GSK3B: variants seen among roughly 807,000 people sequenced by gnomAD.
GSK3B encodes the protein glycogen synthase kinase-3 beta.
Under a neutral mutation model 56.4 loss-of-function variants are expected in GSK3B, and 15 were observed. That is an observed-to-expected ratio of 0.27 (90% CI 0.18 to 0.41). GSK3B has a LOEUF of 0.41. Among genes scored for constraint, GSK3B ranks in the 10% least tolerant of loss-of-function variants. GSK3B has a pLI of 1.00. For synonymous variants in GSK3B, 181 were observed against 188.9 expected (o/e 0.96, Z 0.34); for missense variants, 300 against 513.4 (o/e 0.58, Z 4.02).
At chr3:119,924,927 T>C (rs983991882) in intron 3 of GSK3B, among the ~76,000 whole-genome samples, 2 of 152,210 alleles carry the variant, frequency 1.3e-5, no homozygotes, top group African/African-American at 4.8e-5. Context: ...ACAACCCTGG[T>C]TGAGTTCAGC....
At chr3:120,006,343 T>C (rs1012973553) in intron 1 of GSK3B, among the ~76,000 whole-genome samples, 2 of 152,114 alleles carry the variant, frequency 1.3e-5, no homozygotes, top group Admixed American at 6.6e-5. Flanking sequence ...CTGTCAATAT[T>C]AGACAGATCA....
chr3:119,932,382 T>C (rs2056954959), intron 3 of GSK3B, among the ~76,000 whole-genome samples: 1 of 152,184 alleles, frequency 6.6e-6, no homozygotes, highest in Non-Finnish European at 1.5e-5. Context: ...GAGAATACCT[T>C]TTTGCTTGAG....
Position 120,094,428 on chromosome 3 carries a change from G to A in GSK3B, c.-994C>T. On this transcript the variant is annotated 5_prime_UTR_variant, in exon 1 of 11. Transcript: ENST00000264235. ...GGCGGCACAAGCCCGCATTCGCCCG[G>A]GTCAGGAGCTGCTCTGTGTGAGGAG... 1 of 309,926 alleles carries A rather than the reference G, an allele frequency of 3.2e-6. No individual in the cohort carries two copies. The highest frequency in any genetic ancestry group is 6.0e-6 in the Non-Finnish European group (1 of 167,078). The allele number at this position is 309,926 out of a possible 1,614,324, so 19.2% of individuals were successfully genotyped here.
At chr3:120,072,622 AC>A (rs1180221688) in intron 1 of GSK3B, among the ~76,000 whole-genome samples, 1 of 152,164 alleles carries the variant, frequency 6.6e-6, no homozygotes, top group East Asian at 1.9e-4. Flanking sequence ...TATAAAAATA[AC>A]TTCTTAAAAA....
intron 1 of GSK3B, among the ~76,000 whole-genome samples, chr3:120,023,544 T>A (rs2057897353): frequency 6.6e-6 from 1 of 152,082 alleles, no homozygotes; most frequent in Non-Finnish European, 1.5e-5. Context: ...AGATCAATAA[T>A]ATCAACAAAA....
At chr3:119,902,640 G>C (rs2056635933) in intron 7 of GSK3B, among the ~76,000 whole-genome samples, 1 of 152,090 alleles carries the variant, frequency 6.6e-6, no homozygotes, top group African/African-American at 2.4e-5. Flanking sequence ...CAAGTGATCT[G>C]CGCACCTCGG....
Position 119,877,115 on chromosome 3 carries a change from T to C in GSK3B, c.814-607A>G, listed in dbSNP as rs79099914. On this transcript the variant is annotated intron_variant, in intron 7 of 10. Coordinates refer to ENST00000264235, the MANE Select transcript of GSK3B (RefSeq NM_001146156.2). ...AGACAGACTTCTATGATAACAATAA[T>C]GTTAAATTTGGGTCATAAAAAAGAT... Among the ~76,000 whole-genome samples, 77 of 152,266 alleles carry C rather than the reference T, an allele frequency of 5.1e-4. 2 individuals carry two copies. The East Asian group carries it at 0.01, about 21-fold the overall frequency.
In GSK3B at chr3:119,893,896, G is replaced by C. The variant is rs192173236; in HGVS notation, c.813+11859C>G. ...CTTAAAAAAAAAAAAAAGCTTTACTGTACTTCATGTATCATGAAACCCACC... is the reference window on the plus strand; with the variant it reads ...CTTAAAAAAAAAAAAAAGCTTTACTCTACTTCATGTATCATGAAACCCACC... On this transcript the variant is annotated intron_variant, in intron 7 of 10. Transcript: ENST00000264235. Among the ~76,000 whole-genome samples the C allele has an allele frequency of 1.5e-4, 23 of 150,676 alleles. 1 individual carries two copies. The East Asian group carries it at 2.9e-3, about 19-fold the overall frequency.
In GSK3B at chr3:119,833,690, G is replaced by GTT. The variant is rs902919136; in HGVS notation, c.1196-6837_1196-6836dup. ...TAAGTACACTTGGAAACATTAGGTT[G>GTT]TTTTTTTTTTTTTTTTTTTTTTTTA... On this transcript the variant is annotated intron_variant, in intron 10 of 10. Transcript: ENST00000264235. 6.1e-3 allele frequency among the ~76,000 whole-genome samples: 460 copies of GTT among 75,656 alleles called. 2 individuals are homozygous for GTT. The highest frequency in any genetic ancestry group is 0.014 in the Middle Eastern group (2 of 140). The allele number at this position is 75,656 out of a possible 152,430, so 49.6% of individuals were successfully genotyped here. A position where few individuals can be genotyped will look rare whatever the true frequency, so the allele number is the denominator to read the frequency against.
intron 10 of GSK3B, among the ~76,000 whole-genome samples, chr3:119,834,790 A>C (rs2055664363): frequency 6.6e-6 from 1 of 152,198 alleles, no homozygotes; most frequent in East Asian, 1.9e-4. Context: ...TCCAGATTTT[A>C]AATTACTTTT....
intron 1 of GSK3B, among the ~76,000 whole-genome samples, chr3:120,005,313 A>G (rs2057717410): frequency 1.3e-5 from 2 of 152,222 alleles, no homozygotes; most frequent in African/African-American, 4.8e-5. Context: ...GGTGTACCTG[A>G]AAGTGATGGG....
chr3:119,840,690 C>CT (rs1294577443), intron 10 of GSK3B, among the ~76,000 whole-genome samples: 2 of 152,106 alleles, frequency 1.3e-5, no homozygotes, highest in African/African-American at 4.8e-5. Context: ...ATACTTGGGC[C>CT]TTCACTACTG....
intron 3 of GSK3B, among the ~76,000 whole-genome samples, chr3:119,936,492 G>A (rs111803207): frequency 0.026 from 3,957 of 150,990 alleles, 219 homozygotes; most frequent in African/African-American, 0.09. Context: ...GATTACAGGC[G>A]CACACCACCA....
chr3:119,979,110 C>T (rs1449217493), intron 2 of GSK3B, among the ~76,000 whole-genome samples: 1 of 152,192 alleles, frequency 6.6e-6, no homozygotes, highest in Non-Finnish European at 1.5e-5. Flanking sequence ...GTAACACAGC[C>T]TGGCCCCAAA....
chr3:119,832,466 G>A (rs994364379), intron 10 of GSK3B, among the ~76,000 whole-genome samples: 2 of 152,180 alleles, frequency 1.3e-5, no homozygotes, highest in African/African-American at 4.8e-5. Context: ...TAAATGTTGG[G>A]GGGGTAAACT....
intron 7 of GSK3B, 143 bp from the exon 8 acceptor site, chr3:119,876,651 T>C (rs2056317501): frequency 3.3e-6 from 2 of 613,086 alleles, no homozygotes; most frequent in Admixed American, 5.7e-5. Context: ...AGTGCCATGA[T>C]TTGAATATGT....
In GSK3B at chr3:120,094,217, C is replaced by CG; in HGVS notation, c.-784dup. 1 of 226,366 alleles carries CG rather than the reference C, an allele frequency of 4.4e-6. No homozygotes were observed. Among genetic ancestry groups the CG allele is most frequent in the Non-Finnish European group, 8.8e-6 (1 of 113,120 alleles). The allele number at this position is 226,366 out of a possible 1,614,324, so 14.0% of individuals were successfully genotyped here. A position where few individuals can be genotyped will look rare whatever the true frequency, so the allele number is the denominator to read the frequency against. ...GAACCCGGCAACCGCTTCCGTCCCT[C>CG]GGGGCCCCCTCCCCCGTCCGCGGCA... On this transcript the variant is annotated 5_prime_UTR_variant, in exon 1 of 11. Transcript: ENST00000264235.
At chr3:120,070,634 C>T (rs1317388398) in intron 1 of GSK3B, among the ~76,000 whole-genome samples, 1 of 152,066 alleles carries the variant, frequency 6.6e-6, no homozygotes, top group Non-Finnish European at 1.5e-5. Flanking sequence ...AAATCTTTCA[C>T]TATAGAAACA....
chr3:119,847,534 C>G (rs943194041), intron 9 of GSK3B, among the ~76,000 whole-genome samples: 2 of 151,852 alleles, frequency 1.3e-5, no homozygotes, highest in African/African-American at 4.8e-5. Flanking sequence ...GAAAAAAAAA[C>G]CCACATGACA....
Sources: gnomAD v4.1 joint callset for allele counts (sites outside exome capture counted in the v4.1 genomes callset) on GRCh38, gnomAD v4.1.1 for gene constraint, MANE v1.5 for transcripts, NCBI Gene and HGNC (gene_info 2026-07-23, HGNC 2026-07-21) for gene names.